Variants in LINGO2 observed in about 807,000 individuals in gnomAD.
LINGO2 encodes leucine rich repeat and Ig domain containing 2.
A neutral mutation model predicts 30.6 loss-of-function variants in LINGO2; 14 were observed. That is an observed-to-expected ratio of 0.46 (90% CI 0.30 to 0.72). The LOEUF (loss-of-function observed/expected upper bound fraction) is 0.72. LINGO2 is among the 30% of genes least tolerant of loss of function. The pLI, the probability that LINGO2 is intolerant of heterozygous loss-of-function variation, is 0.07. For synonymous variants in LINGO2, 317 were observed against 288.5 expected (o/e 1.10, Z -1.00); for missense variants, 729 against 751.7 (o/e 0.97, Z 0.35).
rs11394707 is a variant in LINGO2 at position 28,395,533 on chromosome 9, GA to G, written c.-278-22666del. Among the ~76,000 whole-genome samples, 144 of 150,464 alleles carry G rather than the reference GA, an allele frequency of 9.6e-4. 1 individual carries two copies. Among genetic ancestry groups the G allele is most frequent in the African/African-American group, 3.2e-3 (130 of 41,040 alleles). On this transcript the variant is annotated intron_variant, in intron 2 of 5. Transcript: ENST00000379992. The stretch of plus-strand genomic sequence containing the variant: ...CAGTAAATCCTAAAATAACAGAAGT[GA>G]AAAAAAAAATCATGTCCTTGCTGCT...
At chr9:28,229,470 G>T (rs1821283460) in intron 4 of LINGO2, among the ~76,000 whole-genome samples, 1 of 151,502 alleles carries the variant, frequency 6.6e-6, no homozygotes, top group East Asian at 1.9e-4. Context: ...AGAAGATGAA[G>T]AACAAGAGGA....
chr9:29,041,425 G>T, the LINGO2 span, among the ~76,000 whole-genome samples: 2 of 152,022 alleles, frequency 1.3e-5, no homozygotes, highest in Admixed American at 1.3e-4. Context: ...CTATCCGATA[G>T]TAAGGCCTGC....
intron 5 of LINGO2, among the ~76,000 whole-genome samples, chr9:28,008,572 TTAGAA>T (rs926181546): frequency 3.0e-5 from 2 of 66,540 alleles, no homozygotes; most frequent in African/African-American, 7.0e-5. Flanking sequence ...CTAAAAACTA[TTAGAA>T]TAGATGAGTT....
the LINGO2 span, among the ~76,000 whole-genome samples, chr9:28,758,983 A>C: frequency 6.6e-6 from 1 of 152,080 alleles, no homozygotes; most frequent in African/African-American, 2.4e-5. Context: ...TTTATAGAGC[A>C]TGTGTAGTTT....
At chr9:28,871,270 G>A in the LINGO2 span, among the ~76,000 whole-genome samples, 1 of 151,234 alleles carries the variant, frequency 6.6e-6, no homozygotes, top group African/African-American at 2.4e-5. Context: ...TGAAAATGTG[G>A]CCATAATAAT....
chr9:28,027,168 C>A (rs984684918), intron 4 of LINGO2, among the ~76,000 whole-genome samples: 1 of 152,192 alleles, frequency 6.6e-6, no homozygotes, highest in African/African-American at 2.4e-5. Flanking sequence ...ACCCTAGAAG[C>A]ACTTAAATGG....
At chr9:28,791,856 T>C in the LINGO2 span, among the ~76,000 whole-genome samples, 15,747 of 151,706 alleles carry the variant, frequency 0.1, 892 homozygotes, top group African/African-American at 0.14. Flanking sequence ...AAAATTATTT[T>C]AGAGATGAAA....
At position 28,547,194 on chromosome 9, in the gene LINGO2, T is replaced by C. The variant is rs1246989681; in HGVS notation, c.-364-71169A>G. On this transcript the variant is annotated intron_variant, in intron 1 of 5. Transcript: ENST00000379992. Reference sequence around the variant, plus strand: ...GCTAGTTTATTTGTGAAATCGAGTATTCTCCCTGTATTACTACTATGTGAA... The same window carrying C: ...GCTAGTTTATTTGTGAAATCGAGTACTCTCCCTGTATTACTACTATGTGAA... Among the ~76,000 whole-genome samples, 4 of 152,172 alleles carry C rather than the reference T, an allele frequency of 2.6e-5. No individual in the cohort carries two copies. In the East Asian group the frequency reaches 5.8e-4, roughly 22 times the overall value.
the LINGO2 span, among the ~76,000 whole-genome samples, chr9:28,761,500 G>GCA: frequency 2.5e-5 from 3 of 117,762 alleles, no homozygotes; most frequent in South Asian, 9.0e-4. Context: ...ACACACACAC[G>GCA]CACACACACG....
the LINGO2 span, among the ~76,000 whole-genome samples, chr9:29,032,369 T>C: frequency 2.2e-4 from 33 of 152,086 alleles, no homozygotes; most frequent in Non-Finnish European, 3.7e-4. Context: ...ATCTGCAAAA[T>C]GACAATACAT....
At chr9:28,162,949 C>T (rs920424878) in intron 4 of LINGO2, among the ~76,000 whole-genome samples, 8 of 152,084 alleles carry the variant, frequency 5.3e-5, no homozygotes, top group African/African-American at 1.7e-4. Flanking sequence ...TTTTTAAGTG[C>T]ATTGTTAAAA....
chr9:28,590,623 A>G (rs188243492), intron 1 of LINGO2, among the ~76,000 whole-genome samples: 9 of 151,996 alleles, frequency 5.9e-5, no homozygotes, highest in Non-Finnish European at 1.0e-4. Context: ...ATCTCACACC[A>G]GTCAGAATGG....
chr9:28,041,312 CAG>C (rs1328037321), intron 4 of LINGO2, among the ~76,000 whole-genome samples: 10 of 152,162 alleles, frequency 6.6e-5, no homozygotes, highest in African/African-American at 9.7e-5. Context: ...CAAAAATTGT[CAG>C]AGAACAGTGC....
At chr9:28,364,090 CTCATA>C (rs2134524313) in intron 3 of LINGO2, among the ~76,000 whole-genome samples, 1 of 152,016 alleles carries the variant, frequency 6.6e-6, no homozygotes, top group Non-Finnish European at 1.5e-5. Context: ...GTTCATTTCT[CTCATA>C]TCTTTAAATA....
intron 2 of LINGO2, among the ~76,000 whole-genome samples, chr9:28,422,659 T>G (rs1229731448): frequency 6.6e-6 from 1 of 152,090 alleles, no homozygotes; most frequent in Non-Finnish European, 1.5e-5. Flanking sequence ...GATCTAGCAA[T>G]TCTACTCTGA....
rs573772528 is a variant in LINGO2, at chr9:28,632,360, G to T, written c.-365+37840C>A. On this transcript the variant is annotated intron_variant, in intron 1 of 5. Transcript: ENST00000379992. ...GGAAACTGCAACTATTGGCTTGTAG[G>T]GAGAAGCCAAAGAGTGGGTTCCAAG... 1.1e-4 allele frequency among the ~76,000 whole-genome samples: 17 copies of T among 151,868 alleles called. No homozygotes were observed. In the East Asian group the frequency reaches 2.9e-3, roughly 26 times the overall value.
chr9:29,060,245 T>G, the LINGO2 span, among the ~76,000 whole-genome samples: 2 of 151,892 alleles, frequency 1.3e-5, no homozygotes, highest in Non-Finnish European at 2.9e-5. Context: ...AATGAGCCAC[T>G]ACAGACCAGA....
chr9:28,585,858 C>A (rs932788707), intron 1 of LINGO2, among the ~76,000 whole-genome samples: 1 of 151,944 alleles, frequency 6.6e-6, no homozygotes, highest in Non-Finnish European at 1.5e-5. Context: ...TTGTTGAGCA[C>A]CTGATTTAAT....
intron 4 of LINGO2, among the ~76,000 whole-genome samples, chr9:28,086,561 G>C (rs1825921615): frequency 6.6e-6 from 1 of 151,930 alleles, no homozygotes; most frequent in African/African-American, 2.4e-5. Context: ...CTAATGAAAG[G>C]GGAAGAAAAA....
Sources: gnomAD v4.1 joint callset for allele counts (sites outside exome capture counted in the v4.1 genomes callset) on GRCh38, gnomAD v4.1.1 for gene constraint, MANE v1.5 for transcripts, NCBI Gene and HGNC (gene_info 2026-07-23, HGNC 2026-07-21) for gene names.